Variants in CLASP1 observed in about 807,000 individuals in gnomAD.
CLASP1 encodes cytoplasmic linker associated protein 1, also known as CLIP-associating protein 1.
CLASP1 carries 38 observed loss-of-function variants against 192.3 expected under a neutral mutation model. The ratio of observed to expected loss-of-function variants is 0.20; its 90% CI spans 0.15 to 0.26. The LOEUF (loss-of-function observed/expected upper bound fraction) is 0.26. Among genes scored for constraint, CLASP1 ranks in the 10% least tolerant of loss-of-function variants. The pLI is 1.00. For missense variants in CLASP1, 1,433 were observed against 1,932.5 expected (o/e 0.74, Z 4.85); for synonymous variants, 691 against 712.8 (o/e 0.97, Z 0.49).
chr2:121,364,884 G>A, intron 36 of CLASP1: 1 of 586,992 alleles, frequency 1.7e-6, no homozygotes. Flanking sequence ...TGCAGACCAT[G>A]CACGTAAGCC....
chr2:121,624,616 C>T (rs1411195437), intron 1 of CLASP1, among the ~76,000 whole-genome samples: 1 of 152,142 alleles, frequency 6.6e-6, no homozygotes, highest in Non-Finnish European at 1.5e-5. Flanking sequence ...GGGGTTTCGC[C>T]ATGTTGGCCA....
exon 40 of CLASP1, chr2:121,340,556 A>C (rs2062677911): frequency 3.5e-6 from 1 of 286,084 alleles, no homozygotes; most frequent in African/African-American, 2.2e-5. Context: ...TCTGATTTTT[A>C]AAAACTGCAC....
At chr2:121,444,614 G>T (rs572101117) in intron 19 of CLASP1, among the ~76,000 whole-genome samples, 1 of 152,196 alleles carries the variant, frequency 6.6e-6, no homozygotes, top group South Asian at 2.1e-4. Context: ...TAAAACCCAA[G>T]ACAGGCAGTC....
At chr2:121,537,845 T>G (rs2104947454) in intron 2 of CLASP1, among the ~76,000 whole-genome samples, 1 of 152,330 alleles carries the variant, frequency 6.6e-6, no homozygotes, top group African/African-American at 2.4e-5. Context: ...GATTTTCCCC[T>G]TTATTATGTT....
At position 121,445,463 on chromosome 2, in the gene CLASP1, A is replaced by G. The variant is rs1163758937; in HGVS notation, c.1912+1874T>C. 4 of 1,289,390 alleles carry G rather than the reference A, an allele frequency of 3.1e-6. No homozygotes were observed. In the African/African-American group the frequency reaches 4.6e-5, roughly 15 times the overall value. The allele number at this position is 1,289,390 out of a possible 1,614,324, so 79.9% of individuals were successfully genotyped here. Reference sequence around the variant, plus strand: ...GAGCATGGTACCTGAGTCCAGGCCTATGTACTCCATGTCTTCCCTCATGTG... The same window carrying G: ...GAGCATGGTACCTGAGTCCAGGCCTGTGTACTCCATGTCTTCCCTCATGTG... On this transcript the variant is annotated intron_variant, in intron 19 of 39. Coordinates refer to ENST00000263710, the Ensembl canonical transcript of CLASP1.
At position 121,525,220 on chromosome 2, in the gene CLASP1, C is replaced by T. The variant is rs539860995; in HGVS notation, c.546+625G>A. Reference sequence around the variant, plus strand: ...ATTGAACTGGGAGGAGAGTTCAATGCTATTTCTCCAGCCCAGACTTGTACA... The same window carrying T: ...ATTGAACTGGGAGGAGAGTTCAATGTTATTTCTCCAGCCCAGACTTGTACA... On this transcript the variant is annotated intron_variant, in intron 6 of 39. Coordinates refer to ENST00000263710, the Ensembl canonical transcript of CLASP1. Among the ~76,000 whole-genome samples, 8 of 152,228 alleles carry T rather than the reference C, an allele frequency of 5.3e-5. No individual in the cohort carries two copies. The South Asian group carries it at 1.7e-3, about 32-fold the overall frequency.
chr2:121,429,200 T>C (rs1392860030), intron 20 of CLASP1, among the ~76,000 whole-genome samples: 4 of 152,200 alleles, frequency 2.6e-5, no homozygotes, highest in East Asian at 1.9e-4. Flanking sequence ...AAGGGAGCTC[T>C]TAAGGTTTGG....
At chr2:121,587,555 C>T (rs753690421) in intron 2 of CLASP1, among the ~76,000 whole-genome samples, 2 of 152,172 alleles carry the variant, frequency 1.3e-5, no homozygotes, top group Non-Finnish European at 2.9e-5. Flanking sequence ...GTCAGCCGGG[C>T]GAGGTGGCTC....
At chr2:121,428,219 C>G (rs1170710933) in intron 20 of CLASP1, among the ~76,000 whole-genome samples, 3 of 152,114 alleles carry the variant, frequency 2.0e-5, no homozygotes, top group Non-Finnish European at 2.9e-5. Flanking sequence ...GCCAAGGTAA[C>G]CTACACATTC....
intron 2 of CLASP1, among the ~76,000 whole-genome samples, chr2:121,548,710 C>G (rs1326673032): frequency 6.6e-6 from 1 of 151,952 alleles, no homozygotes; most frequent in Non-Finnish European, 1.5e-5. Flanking sequence ...TTACAACAGA[C>G]TTCTCAGCTG....
chr2:121,528,258 A>G (rs914371520), intron 4 of CLASP1, among the ~76,000 whole-genome samples: 1 of 152,142 alleles, frequency 6.6e-6, no homozygotes, highest in Non-Finnish European at 1.5e-5. Context: ...CCAATAAAGG[A>G]CAGTAGAAGC....
chr2:121,397,390 T>C (rs1390885958), intron 29 of CLASP1, 107 bp from the exon 31 acceptor site: 1 of 897,388 alleles, frequency 1.1e-6, no homozygotes. Flanking sequence ...GGGATCTCCT[T>C]CCTTTCTCCT....
At chr2:121,384,145 TACACAC>T (rs1253822484) in intron 32 of CLASP1, among the ~76,000 whole-genome samples, 10 of 133,592 alleles carry the variant, frequency 7.5e-5, no homozygotes, top group Non-Finnish European at 1.3e-4. Context: ...TATATATATA[TACACAC>T]ACACACATAT....
At chr2:121,518,870 G>A (rs554367953) in intron 6 of CLASP1, among the ~76,000 whole-genome samples, 3 of 152,202 alleles carry the variant, frequency 2.0e-5, no homozygotes, top group Non-Finnish European at 2.9e-5. Flanking sequence ...AGAACAAGAC[G>A]CTGTCTCAAG....
intron 2 of CLASP1, among the ~76,000 whole-genome samples, chr2:121,536,150 G>A (rs1003654150): frequency 6.6e-6 from 1 of 151,348 alleles, no homozygotes; most frequent in Non-Finnish European, 1.5e-5. Flanking sequence ...GGGAGGCCGA[G>A]GTGGGCAGAT....
chr2:121,530,703 C>A, intron 2 of CLASP1: 1 of 515,462 alleles, frequency 1.9e-6, no homozygotes, highest in Non-Finnish European at 3.5e-6. Flanking sequence ...AACCGAGCCG[C>A]CGCTTTTGCG....
At chr2:121,517,858 CTTTTTTTTTTTTTTTTTTT>C (rs70954553) in intron 6 of CLASP1, among the ~76,000 whole-genome samples, 2,192 of 30,962 alleles carry the variant, frequency 0.071, 126 homozygotes, top group Non-Finnish European at 0.077. Flanking sequence ...AAGACTCAAG[CTTTTTTTTTTTTTTTTTTT>C]TTTTTTTTTT....
At chr2:121,469,941 T>G in exon 9 of CLASP1, 1 of 1,610,808 alleles carries the variant, frequency 6.2e-7, no homozygotes, top group East Asian at 2.2e-5. Flanking sequence ...CCACAGAATC[T>G]TCATCGTCGA....
At chr2:121,560,002 T>C (rs1460960246) in intron 2 of CLASP1, among the ~76,000 whole-genome samples, 1 of 152,158 alleles carries the variant, frequency 6.6e-6, no homozygotes, top group Non-Finnish European at 1.5e-5. Context: ...ATAAAACCTG[T>C]AGTTTGATTA....
Sources: gnomAD v4.1 joint callset for allele counts (sites outside exome capture counted in the v4.1 genomes callset) on GRCh38, gnomAD v4.1.1 for gene constraint, MANE v1.5 for transcripts, NCBI Gene and HGNC (gene_info 2026-07-23, HGNC 2026-07-21) for gene names.